GPC5: variants seen among roughly 807,000 people sequenced by gnomAD.
GPC5 encodes the protein glypican-5.
In GPC5, 47 loss-of-function variants were observed where a neutral mutation model predicts 53.9. The ratio of observed to expected loss-of-function variants is 0.87; its 90% CI spans 0.69 to 1.11. The LOEUF (loss-of-function observed/expected upper bound fraction) is 1.11, where lower values mean the gene tolerates loss of function less well. GPC5 is among the 50% of genes most tolerant of loss of function. GPC5 has a pLI of 0.00. For synonymous variants in GPC5, 286 were observed against 263.3 expected (o/e 1.09, Z -0.84); for missense variants, 748 against 713.1 (o/e 1.05, Z -0.56).
chr13:91,948,440 T>A (rs1473523477), intron 6 of GPC5, among the ~76,000 whole-genome samples: 1 of 152,042 alleles, frequency 6.6e-6, no homozygotes, highest in African/African-American at 2.4e-5. Flanking sequence ...TTCTAGGCAC[T>A]GTTTTGGGCT....
At chr13:92,859,968 GA>G (rs1224107784) in intron 7 of GPC5, among the ~76,000 whole-genome samples, 1 of 151,318 alleles carries the variant, frequency 6.6e-6, no homozygotes, top group Non-Finnish European at 1.5e-5. Context: ...CTTCAATCCA[GA>G]AAAAAAAGTC....
intron 6 of GPC5, among the ~76,000 whole-genome samples, chr13:92,035,777 C>A (rs78604452): frequency 0.026 from 2,585 of 100,788 alleles, 33 homozygotes; most frequent in African/African-American, 0.045. Context: ...ACAAAAAAAA[C>A]AATGTTCACC....
At chr13:92,048,705 A>T (rs1426183747) in intron 6 of GPC5, among the ~76,000 whole-genome samples, 1 of 152,196 alleles carries the variant, frequency 6.6e-6, no homozygotes, top group African/African-American at 2.4e-5. Context: ...CACAATATTA[A>T]TATATTGCCT....
At chr13:91,478,758 T>A (rs560451948) in intron 2 of GPC5, among the ~76,000 whole-genome samples, 1 of 143,788 alleles carries the variant, frequency 7.0e-6, no homozygotes, top group East Asian at 2.0e-4. Context: ...TCACTAGCAA[T>A]GTGGCTTTGG....
At chr13:92,124,261 A>C (rs1290076333) in intron 6 of GPC5, among the ~76,000 whole-genome samples, 1 of 150,900 alleles carries the variant, frequency 6.6e-6, no homozygotes, top group Non-Finnish European at 1.5e-5. Context: ...AAAAAAAAAA[A>C]AAAAAAAAAA....
At chr13:92,620,802 A>G (rs1884844287) in intron 7 of GPC5, among the ~76,000 whole-genome samples, 1 of 152,174 alleles carries the variant, frequency 6.6e-6, no homozygotes, top group Admixed American at 6.5e-5. Context: ...GACTCATTAT[A>G]GAGGAAATTA....
chr13:91,963,267 A>G (rs2040143514), intron 6 of GPC5, among the ~76,000 whole-genome samples: 1 of 152,176 alleles, frequency 6.6e-6, no homozygotes, highest in Non-Finnish European at 1.5e-5. Context: ...GGGTTTGCAG[A>G]AACTATATGG....
rs1876656144 is a variant in GPC5, at chr13:91,398,685, G to T, written c.-362G>T. The T allele has an allele frequency of 4.4e-6, 1 of 225,462 alleles. No homozygotes were observed. The highest frequency in any genetic ancestry group is 2.3e-5 in the African/African-American group (1 of 43,548). 14.0% of individuals were successfully genotyped at this position (225,462 alleles called of 1,614,324 possible). ...GGCGGCGGCGGCGGCGGCAGTGGCG[G>T]CAGTGGCGGCAGTGGCGGCAGCGGC... On this transcript the variant is annotated 5_prime_UTR_variant, in exon 1 of 8. Transcript: ENST00000377067.
At chr13:92,453,881 G>T (rs139937928) in intron 7 of GPC5, among the ~76,000 whole-genome samples, 1 of 152,116 alleles carries the variant, frequency 6.6e-6, no homozygotes, top group Non-Finnish European at 1.5e-5. Context: ...CAAGGGCAGG[G>T]CATGTTATTA....
chr13:91,512,498 A>G (rs892286692), intron 2 of GPC5, among the ~76,000 whole-genome samples: 1 of 152,170 alleles, frequency 6.6e-6, no homozygotes, highest in Non-Finnish European at 1.5e-5. Flanking sequence ...TCTCTCAGCT[A>G]TTCTGCCCTG....
intron 5 of GPC5, among the ~76,000 whole-genome samples, chr13:91,864,644 A>G (rs2039064945): frequency 6.6e-6 from 1 of 150,604 alleles, no homozygotes; most frequent in South Asian, 2.1e-4. Context: ...TTTAAGTAAT[A>G]TTAATTACCA....
At position 91,533,373 on chromosome 13, in the gene GPC5, T is replaced by C. The variant is rs1394252384; in HGVS notation, c.325+84451T>C. On this transcript the variant is annotated intron_variant, in intron 2 of 7. Coordinates refer to ENST00000377067, the MANE Select transcript of GPC5 (RefSeq NM_004466.6). ...CTGGAATTGTCATTAACAACTCTATTTTTTTATTTTCTCTATGAATCACCT... is the reference window on the plus strand; with the variant it reads ...CTGGAATTGTCATTAACAACTCTATCTTTTTATTTTCTCTATGAATCACCT... 2.0e-5 allele frequency among the ~76,000 whole-genome samples: 3 copies of C among 152,194 alleles called. No homozygotes were observed. In the East Asian group the frequency reaches 5.8e-4, roughly 29 times the overall value.
chr13:91,760,273 C>T (rs1484907118), intron 5 of GPC5, among the ~76,000 whole-genome samples: 1 of 152,086 alleles, frequency 6.6e-6, no homozygotes. Flanking sequence ...AGGAGAGTTT[C>T]TATACAAAGT....
At chr13:91,599,747 A>T (rs1372495691) in intron 2 of GPC5, among the ~76,000 whole-genome samples, 1 of 152,194 alleles carries the variant, frequency 6.6e-6, no homozygotes, top group Non-Finnish European at 1.5e-5. Flanking sequence ...TTATGTGCTC[A>T]TTCATGAAAA....
intron 7 of GPC5, among the ~76,000 whole-genome samples, chr13:92,568,430 T>A (rs1326808448): frequency 6.6e-6 from 1 of 152,194 alleles, no homozygotes; most frequent in East Asian, 1.9e-4. Flanking sequence ...CACGGGAGAA[T>A]ACTTTTTATT....
intron 7 of GPC5, among the ~76,000 whole-genome samples, chr13:92,343,148 G>T (rs2043381202): frequency 1.3e-5 from 2 of 152,118 alleles, no homozygotes; most frequent in African/African-American, 2.4e-5. Context: ...AACAAGATAG[G>T]TCTGGTAGTG....
intron 7 of GPC5, among the ~76,000 whole-genome samples, chr13:92,489,531 G>C (rs1006154065): frequency 6.6e-6 from 1 of 152,104 alleles, no homozygotes; most frequent in Non-Finnish European, 1.5e-5. Flanking sequence ...TATGGACAGG[G>C]TTACTCGAAA....
intron 7 of GPC5, among the ~76,000 whole-genome samples, chr13:92,206,259 G>A (rs1224177880): frequency 6.8e-6 from 1 of 147,352 alleles, no homozygotes; most frequent in African/African-American, 2.5e-5. Context: ...TCCGCCTCCC[G>A]GGTCACGCCA....
intron 6 of GPC5, among the ~76,000 whole-genome samples, chr13:92,065,984 A>G (rs1238246284): frequency 6.6e-6 from 1 of 152,130 alleles, no homozygotes; most frequent in Non-Finnish European, 1.5e-5. Context: ...TTGAAAAGAT[A>G]TTATTTTAAG....
Sources: gnomAD v4.1 joint callset for allele counts (sites outside exome capture counted in the v4.1 genomes callset) on GRCh38, gnomAD v4.1.1 for gene constraint, MANE v1.5 for transcripts, NCBI Gene and HGNC (gene_info 2026-07-23, HGNC 2026-07-21) for gene names.